Variants in PCDHA10 observed in about 807,000 individuals in gnomAD.
The protein encoded by PCDHA10 is protocadherin alpha-10.
PCDHA10 carries 45 observed loss-of-function variants against 61.2 expected under a neutral mutation model. That is an observed-to-expected ratio of 0.74 (90% CI 0.58 to 0.94). The LOEUF (loss-of-function observed/expected upper bound fraction) is 0.94. Ranked by LOEUF, PCDHA10 falls within the 40% of genes least tolerant of loss-of-function variation. The pLI is 0.00. For synonymous variants in PCDHA10, 602 were observed against 548.8 expected, an observed-to-expected ratio of 1.10 and a Z score of -1.35; for missense variants, 1,278 against 1,236.2, an observed-to-expected ratio of 1.03 and a Z score of -0.51.
At chr5:141,002,600 A>G (rs1269340072) in intron 3 of PCDHA10, among the ~76,000 whole-genome samples, 1 of 152,204 alleles carries the variant, frequency 6.6e-6, no homozygotes, top group Non-Finnish European at 1.5e-5. Flanking sequence ...CCCCTCATCT[A>G]TAAAACAGAC....
At chr5:140,988,501 A>G (rs966150033) in intron 3 of PCDHA10, among the ~76,000 whole-genome samples, 3 of 152,164 alleles carry the variant, frequency 2.0e-5, no homozygotes, top group Non-Finnish European at 2.9e-5. Context: ...AGGAGAAGCC[A>G]TGAAGCTTAC....
chr5:140,857,488 C>T lies in PCDHA10; in HGVS notation c.1440C>T (p.Asp480=). The part of the protein sequence containing the change: ...GCHIFTVSAW[D]ADAQENALVS... ...ACATCTTCACGGTGTCTGCGTGGGA[C>T]GCGGACGCGCAGGAGAACGCCCTGG... is the stretch of plus-strand genomic sequence containing the variant. Residue 480 remains aspartate, a synonymous_variant, in exon 1 of 4, where the codon GAC becomes GAT. Transcript: ENST00000307360. The T allele has an allele frequency of 6.3e-7, 1 of 1,598,442 alleles. No homozygotes were observed. Among genetic ancestry groups the T allele is most frequent in the Non-Finnish European group, 8.6e-7 (1 of 1,167,818 alleles).
At position 140,857,575 on chromosome 5, in the gene PCDHA10, G is replaced by A. The variant is rs781888670; in HGVS notation, c.1527G>A (p.Val509=). ...GCTCGCTGTCGAGCTACGTGTCGGT[G>A]CACGCGGAGAGCGGCAAGGTGTACG... ...GERSLSSYVS[V]HAESGKVYAL... is the part of the protein sequence containing the mutation. The change falls in exon 1 of 4, where the codon GTG becomes GTA. Residue 509 remains valine, a synonymous_variant. Coordinates refer to ENST00000307360, the MANE Select transcript of PCDHA10 (RefSeq NM_018901.4). 2.5e-6 allele frequency: 4 copies of A among 1,596,658 alleles called. No individual in the cohort carries two copies. The highest frequency in any genetic ancestry group is 4.5e-5 in the East Asian group (2 of 44,834).
intron 1 of PCDHA10, among the ~76,000 whole-genome samples, chr5:140,893,276 G>A (rs1554185570): frequency 6.6e-6 from 1 of 152,164 alleles, no homozygotes; most frequent in African/African-American, 2.4e-5. Context: ...TAGTGGAATT[G>A]CTGGATGATA....
At chr5:140,864,675 T>A (rs1331256646) in intron 1 of PCDHA10, 6 of 152,254 alleles carry the variant, frequency 3.9e-5, no homozygotes, top group African/African-American at 1.4e-4. Context: ...GTTGACTTAA[T>A]TGCTGCTGTC....
At chr5:140,969,436 A>G (rs1289383219) in intron 1 of PCDHA10, 2 of 1,549,954 alleles carry the variant, frequency 1.3e-6, no homozygotes, top group Non-Finnish European at 1.7e-6. Flanking sequence ...GACAAGAGTT[A>G]TCTGGTAAAC....
At chr5:140,960,063 T>G (rs1461377026) in intron 1 of PCDHA10, among the ~76,000 whole-genome samples, 1 of 152,232 alleles carries the variant, frequency 6.6e-6, no homozygotes, top group Non-Finnish European at 1.5e-5. Flanking sequence ...GTACAGAAGA[T>G]TCAATTGAAG....
At position 140,877,451 on chromosome 5, in the gene PCDHA10, C is replaced by T. The variant is rs782361627; in HGVS notation, c.2388+19015C>T. ...AAGGACCACGGTGAGCCCGCGCTGA[C>T]GTCCACGGCCACGGTGCTGGTGTCG... On this transcript the variant is annotated intron_variant, in intron 1 of 3. Coordinates refer to ENST00000307360, the MANE Select transcript of PCDHA10 (RefSeq NM_018901.4). The T allele has an allele frequency of 3.5e-5, 57 of 1,613,672 alleles. No individual in the cohort carries two copies. The East Asian group carries it at 1.2e-3, about 35-fold the overall frequency.
intron 1 of PCDHA10, chr5:140,871,073 C>A: frequency 1.2e-6 from 2 of 1,613,208 alleles, no homozygotes; most frequent in Non-Finnish European, 8.5e-7. Context: ...GGTGAGCCGG[C>A]GCTGACGGCC....
intron 1 of PCDHA10, among the ~76,000 whole-genome samples, chr5:140,917,533 T>C (rs1584058253): frequency 6.6e-6 from 1 of 152,346 alleles, no homozygotes; most frequent in East Asian, 1.9e-4. Context: ...GTTTGTATAG[T>C]TTTAGGTTTT....
At chr5:140,941,901 GA>G (rs782298792) in intron 1 of PCDHA10, among the ~76,000 whole-genome samples, 1 of 152,130 alleles carries the variant, frequency 6.6e-6, no homozygotes, top group African/African-American at 2.4e-5. Context: ...AAGTAACATT[GA>G]AATGCTTTTA....
intron 1 of PCDHA10, among the ~76,000 whole-genome samples, chr5:140,897,416 T>C (rs1233824796): frequency 6.9e-6 from 1 of 145,554 alleles, no homozygotes; most frequent in African/African-American, 2.5e-5. Flanking sequence ...TCAATTCCCA[T>C]CTATGAGTGA....
chr5:141,007,517 G>A (rs2098333696), intron 3 of PCDHA10, among the ~76,000 whole-genome samples: 1 of 151,984 alleles, frequency 6.6e-6, no homozygotes, highest in African/African-American at 2.4e-5. Flanking sequence ...GCAGTGAGCT[G>A]ATATCTCGCC....
Position 140,862,950 on chromosome 5 carries a change from G to T in PCDHA10, c.2388+4514G>T, listed in dbSNP as rs559605019. The T allele has an allele frequency of 5.5e-6, 3 of 541,462 alleles. No homozygotes were observed. The East Asian group carries it at 1.4e-4, about 26-fold the overall frequency. 33.5% of individuals were successfully genotyped at this position (541,462 alleles called of 1,614,324 possible). A position where few individuals can be genotyped will look rare whatever the true frequency, so the allele number is the denominator to read the frequency against. ...GGCGGCGCTGTGAGTGAGCTGGTGC[G>T]GTATTCAGTGGATGCAGGCCACTTG... On this transcript the variant is annotated intron_variant, in intron 1 of 3. Coordinates refer to ENST00000307360, the MANE Select transcript of PCDHA10 (RefSeq NM_018901.4).
In PCDHA10 at chr5:140,862,738, T is replaced by C. The variant is rs189052602; in HGVS notation, c.2388+4302T>C. 560 of 577,110 alleles carry C rather than the reference T, an allele frequency of 9.7e-4. 3 individuals are homozygous for C. The highest frequency in any genetic ancestry group is 1.5e-3 in the Non-Finnish European group (445 of 297,984). 35.7% of individuals were successfully genotyped at this position (577,110 alleles called of 1,614,324 possible). ...CGAGTGCGCGCTGTCTAGCTATGTG[T>C]GGGTGCACGCGGAGAGCGGCAAGAG... On this transcript the variant is annotated intron_variant, in intron 1 of 3. Coordinates refer to ENST00000307360, the MANE Select transcript of PCDHA10 (RefSeq NM_018901.4).
intron 1 of PCDHA10, among the ~76,000 whole-genome samples, chr5:140,907,411 G>A (rs1053744231): frequency 8.5e-5 from 13 of 152,192 alleles, no homozygotes; most frequent in Admixed American, 2.6e-4. Flanking sequence ...GGAATACCAC[G>A]ATGGTGGATA....
intron 1 of PCDHA10, chr5:140,884,480 A>T (rs782532542): frequency 7.4e-6 from 12 of 1,613,662 alleles, no homozygotes; most frequent in Non-Finnish European, 9.3e-6. Flanking sequence ...GGGCAAGCCC[A>T]CTCTAGTGTG....
intron 3 of PCDHA10, among the ~76,000 whole-genome samples, chr5:141,002,843 A>G (rs2098098678): frequency 6.6e-6 from 1 of 152,224 alleles, no homozygotes; most frequent in African/African-American, 2.4e-5. Context: ...AGGACTATGC[A>G]CTAGTGAGAG....
intron 1 of PCDHA10, among the ~76,000 whole-genome samples, chr5:140,932,490 A>G (rs1330943965): frequency 6.6e-6 from 1 of 151,852 alleles, no homozygotes; most frequent in South Asian, 2.1e-4. Context: ...CCTCTTTGCA[A>G]TGTCATTTGT....
Sources: gnomAD v4.1 joint callset for allele counts (sites outside exome capture counted in the v4.1 genomes callset) on GRCh38, gnomAD v4.1.1 for gene constraint, MANE v1.5 for transcripts, NCBI Gene and HGNC (gene_info 2026-07-23, HGNC 2026-07-21) for gene names.